Variants in CEP63 observed in about 807,000 individuals in gnomAD.
The protein encoded by CEP63 is centrosomal protein of 63 kDa.
Under a neutral mutation model 89.1 loss-of-function variants are expected in CEP63, and 84 were observed. The ratio of observed to expected loss-of-function variants is 0.94; its 90% CI spans 0.79 to 1.13. CEP63 has a LOEUF of 1.13. Among genes scored for constraint, CEP63 ranks in the 50% most tolerant of loss-of-function variants. The pLI is 0.00. For missense variants in CEP63, 838 were observed against 813.3 expected, an observed-to-expected ratio of 1.03 and a Z score of -0.37; for synonymous variants, 267 against 272.5, an observed-to-expected ratio of 0.98 and a Z score of 0.20.
Position 134,558,960 on chromosome 3 carries a change from T to G in CEP63, c.1674-190T>G, listed in dbSNP as rs140170572. Among the ~76,000 whole-genome samples, 132 of 152,276 alleles carry G rather than the reference T, an allele frequency of 8.7e-4. 3 individuals carry two copies. In the East Asian group the frequency reaches 0.01, roughly 12 times the overall value. ...ACCATAAGTGTGTGAGGGCAGGGAC[T>G]TGGTAGTTGGAATTGGATATTTGGG... On this transcript the variant is annotated intron_variant, in intron 13 of 14. Coordinates refer to ENST00000675561, the MANE Select transcript of CEP63 (RefSeq NM_001353108.3).
chr3:134,664,684 GTGTGTGTT>G, the CEP63 span, among the ~76,000 whole-genome samples: 3 of 151,988 alleles, frequency 2.0e-5, no homozygotes, highest in South Asian at 4.2e-4. Flanking sequence ...GTGTGTGTGT[GTGTGTGTT>G]TGTGTGTGTA....
chr3:134,699,803 A>G, the CEP63 span, among the ~76,000 whole-genome samples: 1 of 152,220 alleles, frequency 6.6e-6, no homozygotes, highest in Non-Finnish European at 1.5e-5. Context: ...TGACAACTTC[A>G]TGTGGATCAT....
rs144821041 is a variant in CEP63 at position 134,525,193 on chromosome 3, C to T, written c.223-6652C>T. On this transcript the variant is annotated intron_variant, in intron 3 of 14. Coordinates refer to ENST00000675561, the MANE Select transcript of CEP63 (RefSeq NM_001353108.3). ...TAGAGGTGTTTATAGTATTCTCTGA[C>T]GTTTGTTTGTATTTCTGTGGGGTTA... 4.1e-3 allele frequency among the ~76,000 whole-genome samples: 628 copies of T among 151,922 alleles called. 7 individuals carry two copies. The highest frequency in any genetic ancestry group is 0.011 in the East Asian group (58 of 5,166).
At chr3:134,675,326 C>T in the CEP63 span, among the ~76,000 whole-genome samples, 1 of 151,966 alleles carries the variant, frequency 6.6e-6, no homozygotes, top group Admixed American at 6.6e-5. Flanking sequence ...ACTGGATATC[C>T]ACATGGAAAA....
At chr3:134,662,340 C>T in the CEP63 span, among the ~76,000 whole-genome samples, 2 of 151,266 alleles carry the variant, frequency 1.3e-5, no homozygotes, top group Non-Finnish European at 2.9e-5. Flanking sequence ...TCAACAAACA[C>T]AGAATTTGCT....
chr3:134,618,979 G>A, the CEP63 span, among the ~76,000 whole-genome samples: 6 of 152,208 alleles, frequency 3.9e-5, no homozygotes, highest in Non-Finnish European at 8.8e-5. Flanking sequence ...AGTCAATTAT[G>A]CTGGTGTTAA....
intron 3 of CEP63, among the ~76,000 whole-genome samples, chr3:134,521,175 T>C (rs982365857): frequency 3.9e-5 from 6 of 152,108 alleles, no homozygotes; most frequent in African/African-American, 1.4e-4. Flanking sequence ...AAAAGGTGCT[T>C]GGTTTCACAG....
the CEP63 span, among the ~76,000 whole-genome samples, chr3:134,730,736 A>T: frequency 6.6e-6 from 1 of 152,140 alleles, no homozygotes; most frequent in African/African-American, 2.4e-5. Context: ...AATGTGCTTT[A>T]TAATATAAAT....
At chr3:134,522,534 C>T (rs753610085) in intron 3 of CEP63, among the ~76,000 whole-genome samples, 12 of 151,996 alleles carry the variant, frequency 7.9e-5, no homozygotes, top group South Asian at 2.1e-4. Flanking sequence ...AAACTTGTGT[C>T]GTGGGGGTTT....
the CEP63 span, among the ~76,000 whole-genome samples, chr3:134,613,755 A>C: frequency 6.6e-6 from 1 of 152,230 alleles, no homozygotes; most frequent in Admixed American, 6.5e-5. Context: ...AATTGGACAA[A>C]GAAGGTCATA....
intron 10 of CEP63, among the ~76,000 whole-genome samples, chr3:134,581,299 G>T (rs1958340058): frequency 6.6e-6 from 1 of 152,012 alleles, no homozygotes; most frequent in Admixed American, 6.6e-5. Flanking sequence ...AAATTATATG[G>T]GCCAGACGCG....
Position 134,561,466 on chromosome 3 carries a change from G to T in CEP63, c.2043G>T (p.Leu681Phe). The T allele has an allele frequency of 1.2e-6, 2 of 1,613,898 alleles. No individual in the cohort carries two copies. Among genetic ancestry groups the T allele is most frequent in the Non-Finnish European group, 1.7e-6 (2 of 1,179,890 alleles). The change falls in exon 15 of 15, where the codon TTG becomes TTT. Residue 681 changes from leucine (L) to phenylalanine (F), a missense_variant. Physicochemically the swap from Leu to Phe is conservative, Grantham distance 22. Transcript: ENST00000675561. The stretch of plus-strand genomic sequence containing the variant: ...GGTCTCATCACATTCTAGAGCGCTT[G>T]GATGCCCATATTGAAGAACTAAAAA... ...ELRSHHILER[L>F]DAHIEELKRE... is the part of the protein sequence containing the mutation.
the CEP63 span, among the ~76,000 whole-genome samples, chr3:134,662,287 A>G: frequency 6.6e-6 from 1 of 151,226 alleles, no homozygotes; most frequent in African/African-American, 2.4e-5. Flanking sequence ...AAAAAAGAAA[A>G]AAAAAAAAAG....
At chr3:134,492,070 CTTT>C (rs74269453) in intron 1 of CEP63, among the ~76,000 whole-genome samples, 1 of 103,680 alleles carries the variant, frequency 9.6e-6, no homozygotes. Context: ...TATTTGTATT[CTTT>C]TTTTTTTTTT....
chr3:134,581,749 C>T (rs1958356591), intron 10 of CEP63, among the ~76,000 whole-genome samples: 1 of 130,212 alleles, frequency 7.7e-6, no homozygotes, highest in African/African-American at 3.0e-5. Context: ...GATCTCGGCT[C>T]ACTGCAAGCT....
chr3:134,536,379 G>A (rs374001315), intron 5 of CEP63: 6 of 152,532 alleles, frequency 3.9e-5, no homozygotes, highest in Non-Finnish European at 8.8e-5. Context: ...CTTATCTTAA[G>A]GAGCCTGAGA....
At chr3:134,695,486 G>A in the CEP63 span, among the ~76,000 whole-genome samples, 63 of 152,278 alleles carry the variant, frequency 4.1e-4, no homozygotes, top group African/African-American at 1.5e-3. Context: ...TCAGAGACCC[G>A]ACTCACAGGA....
At chr3:134,632,674 A>G in the CEP63 span, among the ~76,000 whole-genome samples, 1 of 151,964 alleles carries the variant, frequency 6.6e-6, no homozygotes, top group Admixed American at 6.6e-5. Flanking sequence ...CAAATCAACA[A>G]TCTAAGCTTC....
chr3:134,574,963 A>G, exon 12 of CEP63: 1 of 456,456 alleles, frequency 2.2e-6, no homozygotes, highest in Admixed American at 4.0e-5. Flanking sequence ...GAGTCTTTAT[A>G]TACAATCTGT....
Sources: gnomAD v4.1 joint callset for allele counts (sites outside exome capture counted in the v4.1 genomes callset) on GRCh38, gnomAD v4.1.1 for gene constraint, MANE v1.5 for transcripts, NCBI Gene and HGNC (gene_info 2026-07-23, HGNC 2026-07-21) for gene names.